DNAH14: variants seen among roughly 807,000 people sequenced by gnomAD.
DNAH14 encodes the protein axonemal beta dynein heavy chain 14.
In DNAH14, 478 loss-of-function variants were observed where a neutral mutation model predicts 520.9. The ratio of observed to expected loss-of-function variants is 0.92; its 90% CI spans 0.85 to 0.99. The LOEUF is 0.99. DNAH14 is among the 50% of genes least tolerant of loss of function. The pLI is 0.00. For missense variants in DNAH14, 4,831 were observed against 5,234.5 expected, an observed-to-expected ratio of 0.92 and a Z score of 2.38; for synonymous variants, 1,581 against 1,757.2, an observed-to-expected ratio of 0.90 and a Z score of 2.51.
chr1:225,044,367 G>C (rs1325591675), intron 15 of DNAH14, among the ~76,000 whole-genome samples: 1 of 152,064 alleles, frequency 6.6e-6, no homozygotes, highest in Non-Finnish European at 1.5e-5. Flanking sequence ...TGAAATTGCA[G>C]GCAATTACTA....
chr1:225,343,056 T>C (rs2095224630), intron 69 of DNAH14, among the ~76,000 whole-genome samples: 1 of 152,182 alleles, frequency 6.6e-6, no homozygotes, highest in Non-Finnish European at 1.5e-5. Flanking sequence ...ATTTAAGCCG[T>C]TCCCACATTG....
intron 36 of DNAH14, among the ~76,000 whole-genome samples, chr1:225,172,321 T>C (rs549990978): frequency 3.2e-4 from 48 of 152,288 alleles, no homozygotes; most frequent in Admixed American, 1.2e-3. Context: ...GGAAGTCAAA[T>C]TGTCCCTGTT....
intron 39 of DNAH14, among the ~76,000 whole-genome samples, chr1:225,204,589 C>G (rs888997234): frequency 6.6e-6 from 1 of 152,086 alleles, no homozygotes; most frequent in Non-Finnish European, 1.5e-5. Context: ...TACAATTTGC[C>G]ACTGATATTG....
At chr1:225,302,843 C>T (rs1231503258) in intron 56 of DNAH14, among the ~76,000 whole-genome samples, 1 of 152,094 alleles carries the variant, frequency 6.6e-6, no homozygotes, top group East Asian at 1.9e-4. Context: ...TCCACACCAC[C>T]CCAGAGGAAA....
intron 43 of DNAH14, among the ~76,000 whole-genome samples, chr1:225,246,752 G>T (rs955471713): frequency 1.3e-5 from 2 of 152,214 alleles, no homozygotes; most frequent in African/African-American, 4.8e-5. Flanking sequence ...AGGATGTGGA[G>T]AAATAGGAAC....
rs1291426638 is a variant in DNAH14, at chr1:225,322,652, C to T, written c.9336-12C>T. On this transcript the variant is annotated splice_polypyrimidine_tract_variant and intron_variant, in intron 61 of 85. Coordinates refer to ENST00000682510, the MANE Select transcript of DNAH14 (RefSeq NM_001367479.1). ...ATTGTGAAGTTGATGAGATTTTCATCATCTATTACAGAGTATACACACGGC... is the reference window on the plus strand; with the variant it reads ...ATTGTGAAGTTGATGAGATTTTCATTATCTATTACAGAGTATACACACGGC... The T allele has an allele frequency of 7.0e-7, 1 of 1,434,816 alleles. No homozygotes were observed. Among genetic ancestry groups the T allele is most frequent in the Admixed American group, 2.4e-5 (1 of 41,894 alleles). 88.9% of individuals were successfully genotyped at this position (1,434,816 alleles called of 1,614,324 possible).
chr1:224,986,924 GAAA>G (rs1037883463), intron 8 of DNAH14, among the ~76,000 whole-genome samples: 1 of 152,022 alleles, frequency 6.6e-6, no homozygotes, highest in Non-Finnish European at 1.5e-5. Flanking sequence ...CTTGTATTTG[GAAA>G]AACCTAAGGA....
Position 225,175,112 on chromosome 1 carries a change from T to C in DNAH14, c.5535+7084T>C, listed in dbSNP as rs182221087. On this transcript the variant is annotated intron_variant, in intron 36 of 85. Transcript: ENST00000682510. ...TTCAGAATTTTTGCATCTATGTTCA[T>C]CAAGGATATTAGTCAGTGGTTTCCT... Among the ~76,000 whole-genome samples the C allele has an allele frequency of 2.6e-4, 39 of 152,356 alleles. 1 individual carries two copies. The East Asian group carries it at 7.3e-3, about 29-fold the overall frequency.
At chr1:225,265,938 A>T (rs1435684015) in intron 48 of DNAH14, among the ~76,000 whole-genome samples, 1 of 150,404 alleles carries the variant, frequency 6.6e-6, no homozygotes, top group East Asian at 2.0e-4. Flanking sequence ...ATATATATAT[A>T]TTGACAGTTA....
intron 37 of DNAH14, among the ~76,000 whole-genome samples, chr1:225,186,984 T>G (rs748612950): frequency 1.3e-4 from 20 of 151,862 alleles, no homozygotes; most frequent in Non-Finnish European, 2.4e-4. Flanking sequence ...CTTCTCTTTA[T>G]TTTAGTTTAG....
At chr1:225,043,190 G>GA in intron 13 of DNAH14, 76 bp downstream of exon 13, 1 of 1,428,792 alleles carries the variant, frequency 7.0e-7, no homozygotes, top group East Asian at 2.5e-5. Flanking sequence ...GGCACTCTGG[G>GA]AGGCTGAGGT....
chr1:225,079,471 GC>G lies in DNAH14; in HGVS notation c.2690del (p.Ala897ValfsTer2). On this transcript the variant is annotated frameshift_variant, in exon 18 of 86. Coordinates refer to ENST00000682510, the MANE Select transcript of DNAH14 (RefSeq NM_001367479.1). LOFTEE classifies it high-confidence loss of function. ...GTTAAGTAAAATAAATAAAGACACTGCTATAACTAAATTCAGAGATAACTTG... is the reference window on the plus strand; with the variant it reads ...GTTAAGTAAAATAAATAAAGACACTGTATAACTAAATTCAGAGATAACTTG... ...MKLSKINKDT[A>X]ITKFRDNLEA... is the part of the protein sequence containing the mutation. The G allele has an allele frequency of 1.3e-6, 2 of 1,543,860 alleles. No homozygotes were observed. Among genetic ancestry groups the G allele is most frequent in the Non-Finnish European group, 1.7e-6 (2 of 1,145,294 alleles).
intron 10 of DNAH14, among the ~76,000 whole-genome samples, chr1:225,017,577 A>T (rs2065314210): frequency 6.6e-6 from 1 of 152,174 alleles, no homozygotes; most frequent in South Asian, 2.1e-4. Context: ...ACTTTTGCTG[A>T]CAGCCTCCCA....
At chr1:225,200,368 T>C (rs1163424035) in intron 38 of DNAH14, among the ~76,000 whole-genome samples, 3 of 152,202 alleles carry the variant, frequency 2.0e-5, no homozygotes, top group East Asian at 1.9e-4. Context: ...CCAGTCATCA[T>C]GCTATTTGTT....
intron 3 of DNAH14, among the ~76,000 whole-genome samples, chr1:224,959,281 C>G (rs560390382): frequency 2.0e-5 from 3 of 152,200 alleles, no homozygotes; most frequent in Admixed American, 2.0e-4. Context: ...CCACCCTCCT[C>G]CTCATTACCC....
intron 1 of DNAH14, among the ~76,000 whole-genome samples, chr1:224,944,836 C>T (rs1394518668): frequency 6.6e-6 from 1 of 152,182 alleles, no homozygotes; most frequent in South Asian, 2.1e-4. Flanking sequence ...TCTCTTTTGG[C>T]TTGTAGAGTT....
intron 23 of DNAH14, among the ~76,000 whole-genome samples, chr1:225,103,692 G>C (rs2075735162): frequency 6.6e-6 from 1 of 152,072 alleles, no homozygotes; most frequent in Admixed American, 6.5e-5. Context: ...CTCTCTGTTT[G>C]TCTGTCATTG....
intron 57 of DNAH14, 74 bp from the exon 58 acceptor site, chr1:225,304,834 T>C (rs2150090218): frequency 7.9e-7 from 1 of 1,264,616 alleles, no homozygotes; most frequent in African/African-American, 1.5e-5. Context: ...TAATTAATTC[T>C]AAGTGTTCAA....
At chr1:225,089,220 G>T (rs1387676269) in intron 21 of DNAH14, among the ~76,000 whole-genome samples, 1 of 152,026 alleles carries the variant, frequency 6.6e-6, no homozygotes, top group Non-Finnish European at 1.5e-5. Context: ...GAGGCAGGCG[G>T]ATCACCTGAG....
Sources: allele counts gnomAD v4.1 joint callset (sites outside exome capture counted in the v4.1 genomes callset), GRCh38; gene constraint gnomAD v4.1.1; transcripts MANE v1.5; gene names NCBI Gene and HGNC (gene_info 2026-07-23, HGNC 2026-07-21).